The following TNRC6C variants were observed in gnomAD, a reference collection of about 807,000 sequenced individuals.
The protein encoded by TNRC6C is trinucleotide repeat containing adaptor 6C, also known as trinucleotide repeat-containing gene 6C protein.
Under a neutral mutation model 153.7 loss-of-function variants are expected in TNRC6C, and 20 were observed. That is an observed-to-expected ratio of 0.13 (90% CI 0.09 to 0.19). The LOEUF is 0.19. TNRC6C is among the 10% of genes least tolerant of loss of function. The probability of loss-of-function intolerance (pLI) is 1.00; values close to 1 mark genes in which losing one functional copy is unlikely to be tolerated. For missense variants in TNRC6C, 1,987 were observed against 2,172.0 expected (o/e 0.91, Z 1.69); for synonymous variants, 811 against 841.4 (o/e 0.96, Z 0.63).
chr17:77,969,234 T>C (rs2144053545), intron 1 of TNRC6C, among the ~76,000 whole-genome samples: 1 of 152,286 alleles, frequency 6.6e-6, no homozygotes, highest in East Asian at 1.9e-4. Context: ...ACTGAGGTAG[T>C]ATAATTTCCA....
chr17:77,970,014 T>C (rs1203483547), intron 1 of TNRC6C, among the ~76,000 whole-genome samples: 1 of 152,206 alleles, frequency 6.6e-6, no homozygotes, highest in Non-Finnish European at 1.5e-5. Context: ...GATAACTGTC[T>C]TTCTTCCATT....
In TNRC6C at chr17:78,049,688, G is replaced by T; in HGVS notation, c.626G>T (p.Gly209Val). ...CAGACAAATGGACTGCCAAACTGGGGCATGGCTGTTGGTATGGGGGCCATC... is the reference window on the plus strand; with the variant it reads ...CAGACAAATGGACTGCCAAACTGGGTCATGGCTGTTGGTATGGGGGCCATC... Residue 209 changes from glycine (G) to valine (V), a missense_variant, in exon 3 of 20, where the codon GGC becomes GTC. Physicochemically the swap from Gly to Val is moderately radical, Grantham distance 109. Coordinates refer to ENST00000301624, the Ensembl canonical transcript of TNRC6C. This position sits in a 1 kb window ranked among gnomAD's most constrained non-coding sequence, Gnocchi z 4.1. 1 of 1,609,034 alleles carries T rather than the reference G, an allele frequency of 6.2e-7. No homozygotes were observed. Among genetic ancestry groups the T allele is most frequent in the Non-Finnish European group, 8.5e-7 (1 of 1,176,168 alleles).
At chr17:78,074,934 C>T (rs564252201) in intron 7 of TNRC6C, among the ~76,000 whole-genome samples, 1 of 152,340 alleles carries the variant, frequency 6.6e-6, no homozygotes, top group East Asian at 1.9e-4. Flanking sequence ...TGGGGCCAAC[C>T]CCCATCCCCT....
At chr17:77,994,844 A>G (rs962892385) in intron 1 of TNRC6C, among the ~76,000 whole-genome samples, 5 of 152,066 alleles carry the variant, frequency 3.3e-5, no homozygotes, top group African/African-American at 4.8e-5. Context: ...TCTTTGTGCT[A>G]TTGGTTAAAT....
exon 5 of TNRC6C, chr17:78,067,812 T>C (rs761845327): frequency 6.2e-7 from 1 of 1,613,906 alleles, no homozygotes; most frequent in Non-Finnish European, 8.5e-7. Flanking sequence ...TGAACCTCAG[T>C]ACCAGCCAGT....
chr17:77,995,625 C>T (rs2071316539), intron 1 of TNRC6C, among the ~76,000 whole-genome samples: 1 of 152,106 alleles, frequency 6.6e-6, no homozygotes, highest in Non-Finnish European at 1.5e-5. Context: ...TATTAATAAC[C>T]ACTCTGTAAC....
chr17:77,986,426 A>AGAAG (rs1555626610), intron 1 of TNRC6C, among the ~76,000 whole-genome samples: 4 of 141,040 alleles, frequency 2.8e-5, no homozygotes, highest in African/African-American at 5.3e-5. Context: ...AAAAAAAAAA[A>AGAAG]AAGAAGAAGA....
intron 16 of TNRC6C, among the ~76,000 whole-genome samples, chr17:78,096,620 G>A (rs565520324): frequency 1.1e-4 from 16 of 152,344 alleles, no homozygotes; most frequent in African/African-American, 1.9e-4. Context: ...CGGCTGAGAT[G>A]CCATGGCTTT....
chr17:78,027,531 T>C (rs1487403611), intron 1 of TNRC6C, among the ~76,000 whole-genome samples: 1 of 152,156 alleles, frequency 6.6e-6, no homozygotes, highest in Admixed American at 6.5e-5. Flanking sequence ...AAGCAAGGAA[T>C]TGATCCAAGA....
At chr17:78,059,876 A>T (rs934446734) in intron 3 of TNRC6C, among the ~76,000 whole-genome samples, 1 of 151,802 alleles carries the variant, frequency 6.6e-6, no homozygotes, top group South Asian at 2.1e-4. Context: ...AAAAGAAAAT[A>T]TAGTGTGCCC....
intron 1 of TNRC6C, among the ~76,000 whole-genome samples, chr17:77,966,352 G>A: frequency 6.6e-6 from 1 of 152,160 alleles, no homozygotes; most frequent in Non-Finnish European, 1.5e-5. Context: ...GCAGAGGTAT[G>A]GTGTTAAAAC....
In TNRC6C at chr17:78,005,094, A is replaced by G. The variant is rs1598671637; in HGVS notation, c.-546+15A>G. On this transcript the variant is annotated intron_variant, in intron 1 of 19. Coordinates refer to ENST00000301624, the Ensembl canonical transcript of TNRC6C. Reference sequence around the variant, plus strand: ...AAAAACCAAAGGTAAGTTTATTTATATTTAGGGGGGTACATTTATGGCGGT... The same window carrying G: ...AAAAACCAAAGGTAAGTTTATTTATGTTTAGGGGGGTACATTTATGGCGGT... The G allele has an allele frequency of 8.2e-7, 1 of 1,222,664 alleles. No individual in the cohort carries two copies. Among genetic ancestry groups the G allele is most frequent in the Non-Finnish European group, 1.0e-6 (1 of 984,022 alleles). The allele number at this position is 1,222,664 out of a possible 1,614,324, so 75.7% of individuals were successfully genotyped here.
chr17:77,961,208 T>C (rs990087336), intron 1 of TNRC6C, among the ~76,000 whole-genome samples: 1 of 150,608 alleles, frequency 6.6e-6, no homozygotes, highest in Non-Finnish European at 1.5e-5. Flanking sequence ...CAGGCTGGAG[T>C]GCAATGGCAC....
chr17:78,041,223 G>A (rs1314897996), intron 2 of TNRC6C: 1 of 152,214 alleles, frequency 6.6e-6, no homozygotes, highest in Admixed American at 6.5e-5. Context: ...ACATTCCAGC[G>A]TGTGAGTGGT....
At chr17:78,082,352 A>G (rs907211036) in intron 10 of TNRC6C, among the ~76,000 whole-genome samples, 1 of 152,084 alleles carries the variant, frequency 6.6e-6, no homozygotes, top group African/African-American at 2.4e-5. Flanking sequence ...TTAACATAAC[A>G]TCGGTATGCA....
chr17:78,087,148 C>A, intron 13 of TNRC6C, 55 bp downstream of exon 15: 3 of 1,586,028 alleles, frequency 1.9e-6, no homozygotes, highest in South Asian at 1.1e-5. Context: ...TACCTGGAGT[C>A]CGTATGTGGT....
intron 9 of TNRC6C, among the ~76,000 whole-genome samples, chr17:78,078,950 G>A (rs182184891): frequency 1.6e-4 from 25 of 152,236 alleles, no homozygotes; most frequent in Non-Finnish European, 2.8e-4. Context: ...AAATTTAGCC[G>A]GGTATGGTGG....
chr17:77,957,921 T>C (rs966937957), upstream of TNRC6C, among the ~76,000 whole-genome samples: 3 of 151,682 alleles, frequency 2.0e-5, no homozygotes, highest in South Asian at 6.2e-4. Context: ...GCTTGCGCGG[T>C]GAAGGTGTGG....
At chr17:78,035,613 T>G (rs1367691710) in intron 2 of TNRC6C, among the ~76,000 whole-genome samples, 1 of 152,176 alleles carries the variant, frequency 6.6e-6, no homozygotes, top group Non-Finnish European at 1.5e-5. Context: ...AAGACCAGCA[T>G]GGACAACACA....
Sources: gnomAD v4.1 joint callset for allele counts (sites outside exome capture counted in the v4.1 genomes callset) on GRCh38, gnomAD v4.1.1 for gene constraint, Gnocchi (gnomAD v3.1) non-coding constraint, MANE v1.5 for transcripts, NCBI Gene and HGNC (gene_info 2026-07-23, HGNC 2026-07-21) for gene names.